The following BIVM variants were observed in gnomAD, a reference collection of about 807,000 sequenced individuals.
BIVM encodes basic immunoglobulin-like variable motif-containing protein.
BIVM carries 31 observed loss-of-function variants against 61.4 expected under a neutral mutation model. The observed-to-expected ratio is 0.51, with a 90% confidence interval of 0.38 to 0.68. BIVM has a LOEUF of 0.68. Ranked by LOEUF, BIVM falls within the 30% of genes least tolerant of loss-of-function variation. The pLI, the probability that BIVM is intolerant of heterozygous loss-of-function variation, is 0.00. For synonymous variants in BIVM, 189 were observed against 210.7 expected (o/e 0.90, Z 0.89); for missense variants, 526 against 596.0 (o/e 0.88, Z 1.22).
At chr13:102,811,975 T>C (rs1879528477) in intron 3 of BIVM, among the ~76,000 whole-genome samples, 1 of 152,206 alleles carries the variant, frequency 6.6e-6, no homozygotes. Context: ...TCCTACCCCT[T>C]TTTCAGTGTC....
chr13:102,805,274 T>C (rs965512237), intron 1 of BIVM, 33 bp from the exon 2 acceptor site: 16 of 152,374 alleles, frequency 1.1e-4, no homozygotes, highest in African/African-American at 3.8e-4. Flanking sequence ...TGCCCTCAGT[T>C]GCTATTTAAG....
At chr13:102,828,454 A>G (rs964118775) in intron 7 of BIVM, among the ~76,000 whole-genome samples, 2 of 152,064 alleles carry the variant, frequency 1.3e-5, no homozygotes, top group African/African-American at 4.8e-5. Context: ...TTCCTGTATA[A>G]CTCACACATC....
At chr13:102,820,148 T>C (rs975675846) in intron 4 of BIVM, among the ~76,000 whole-genome samples, 1 of 152,034 alleles carries the variant, frequency 6.6e-6, no homozygotes, top group African/African-American at 2.4e-5. Context: ...GGTCAAGAGA[T>C]TGAGACCATC....
intron 7 of BIVM, among the ~76,000 whole-genome samples, chr13:102,828,963 G>A (rs565660541): frequency 1.3e-5 from 2 of 151,774 alleles, no homozygotes; most frequent in Admixed American, 1.3e-4. Context: ...CCGGGAGGTG[G>A]AGGTTGCAGT....
chr13:102,810,611 A>G (rs1312097228), intron 3 of BIVM, among the ~76,000 whole-genome samples: 1 of 152,256 alleles, frequency 6.6e-6, no homozygotes, highest in African/African-American at 2.4e-5. Flanking sequence ...TCAAATTACA[A>G]ATTTATATAT....
In BIVM at chr13:102,807,181, GC is replaced by G; in HGVS notation, c.-86del. 7.2e-7 allele frequency: 1 copy of G among 1,387,224 alleles called. No homozygotes were observed. The highest frequency in any genetic ancestry group is 9.7e-7 in the Non-Finnish European group (1 of 1,030,284). The allele number at this position is 1,387,224 out of a possible 1,614,324, so 85.9% of individuals were successfully genotyped here. On this transcript the variant is annotated 5_prime_UTR_variant, in exon 3 of 11. The change abolishes the stop of an existing upstream ORF in the 5' untranslated region. Transcript: ENST00000257336. The surrounding 1 kb of genome is among the most constrained non-coding windows in gnomAD (Gnocchi z 4.0). ...TGCAGCTCTCAAGCTTTTATAGCAT[GC>G]TGTAAACAATTGTCAAAGTTGTTTA... is the stretch of plus-strand genomic sequence containing the variant.
Position 102,806,274 on chromosome 13 carries a change from C to T in BIVM, c.-122-872C>T, listed in dbSNP as rs1879074341. 2.0e-5 allele frequency among the ~76,000 whole-genome samples: 3 copies of T among 152,064 alleles called. No homozygotes were observed. The South Asian group carries it at 6.2e-4, about 31-fold the overall frequency. On this transcript the variant is annotated intron_variant, in intron 2 of 10. Transcript: ENST00000257336. ...TGGCCATTTATTTTTATTTTTGATACAGTCTCGCTCTGTTGCCCAGGCTAG... is the reference window on the plus strand; with the variant it reads ...TGGCCATTTATTTTTATTTTTGATATAGTCTCGCTCTGTTGCCCAGGCTAG...
Position 102,807,740 on chromosome 13 carries a change from A to C in BIVM, c.473A>C (p.Lys158Thr). ...GGGGTGACCACAAATTCGAAACACA[A>C]ATCAGGTAAGGAGGGAGCCATGAAG... is the stretch of plus-strand genomic sequence containing the variant. ...FDGVTTNSKHKSGNAKKQVSK... is the reference protein window; with the variant it reads ...FDGVTTNSKHTSGNAKKQVSK... Residue 158 changes from lysine to threonine, a missense_variant, in exon 3 of 11, where the codon AAA becomes ACA. By Grantham distance (78) the Lys-to-Thr change is moderately conservative (BLOSUM62 -1). Transcript: ENST00000257336. This position sits in a 1 kb window ranked among gnomAD's most constrained non-coding sequence, Gnocchi z 4.0. 6.2e-7 allele frequency: 1 copy of C among 1,608,330 alleles called. No homozygotes were observed. The highest frequency in any genetic ancestry group is 8.5e-7 in the Non-Finnish European group (1 of 1,177,072).
At position 102,831,707 on chromosome 13, in the gene BIVM, G is replaced by A. The variant is rs1314906880; in HGVS notation, c.1034+10G>A. 6.2e-7 allele frequency: 1 copy of A among 1,613,888 alleles called. No individual in the cohort carries two copies. The highest frequency in any genetic ancestry group is 8.5e-7 in the Non-Finnish European group (1 of 1,179,948). On this transcript the variant is annotated intron_variant, in intron 8 of 10. Transcript: ENST00000257336. ...CTAATAAAGCATTCAGGTAAGCATT[G>A]ACGTGTTTTAGAAAGTGCATTTTAA...
intron 3 of BIVM, among the ~76,000 whole-genome samples, chr13:102,809,989 G>A (rs1879384102): frequency 6.6e-6 from 1 of 152,000 alleles, no homozygotes. Flanking sequence ...GTTTCACCGT[G>A]GTCTCGACCT....
chr13:102,823,396 G>A (rs1261110821), intron 7 of BIVM, among the ~76,000 whole-genome samples: 1 of 152,226 alleles, frequency 6.6e-6, no homozygotes, highest in Non-Finnish European at 1.5e-5. Flanking sequence ...GAGCCTTGAT[G>A]TAGACCTTTT....
chr13:102,836,314 C>A (rs7335175), intron 9 of BIVM, among the ~76,000 whole-genome samples: 148,724 of 152,240 alleles, frequency 0.98, 72,733 homozygotes, highest in East Asian at 1. Flanking sequence ...TTTCTGATCC[C>A]TTTCTATTAT....
At chr13:102,812,116 C>T (rs1879539922) in intron 3 of BIVM, among the ~76,000 whole-genome samples, 1 of 151,980 alleles carries the variant, frequency 6.6e-6, no homozygotes, top group Non-Finnish European at 1.5e-5. Flanking sequence ...TCAGTTTTCC[C>T]ATCTTCAAGG....
chr13:102,810,548 C>CACTCTGTTCCTATACT (rs1159496763), intron 3 of BIVM, among the ~76,000 whole-genome samples: 1 of 152,188 alleles, frequency 6.6e-6, no homozygotes, highest in African/African-American at 2.4e-5. Flanking sequence ...TATATGTAAA[C>CACTCTGTTCCTATACT]ACTCTGTTCC....
intron 8 of BIVM, 57 bp downstream of exon 8, chr13:102,831,754 G>A: frequency 1.9e-6 from 3 of 1,591,584 alleles, no homozygotes; most frequent in Non-Finnish European, 2.6e-6. Context: ...AAATAGATGG[G>A]TGCGGTAGCT....
Position 102,821,761 on chromosome 13 carries a change from A to G in BIVM, c.720A>G (p.Gln240=). ...TTTGTAGCCTTCCACCTATTACCCA[A>G]GAAGAAGCTTTACATATTCTGGGCT... The part of the protein sequence containing the change: ...MGAGNLPPIT[Q]EEALHILGFQ... The change falls in exon 6 of 11, where the codon CAA becomes CAG. Residue 240 remains glutamine (Q), a synonymous_variant. Transcript: ENST00000257336. The G allele has an allele frequency of 1.9e-6, 3 of 1,613,560 alleles. No individual in the cohort carries two copies. The highest frequency in any genetic ancestry group is 2.5e-6 in the Non-Finnish European group (3 of 1,179,892).
Position 102,830,358 on chromosome 13 carries a change from T to G in BIVM, c.902-1207T>G, listed in dbSNP as rs986314760. On this transcript the variant is annotated intron_variant, in intron 7 of 10. Transcript: ENST00000257336. ...CACTGAAACTATGACTTGCAAGCTTTCATCTGCTTCATCTATTTTTAGGAT... is the reference window on the plus strand; with the variant it reads ...CACTGAAACTATGACTTGCAAGCTTGCATCTGCTTCATCTATTTTTAGGAT... Among the ~76,000 whole-genome samples, 8 of 152,212 alleles carry G rather than the reference T, an allele frequency of 5.3e-5. 1 individual carries two copies. The highest frequency in any genetic ancestry group is 1.3e-4 in the Admixed American group (2 of 15,280).
intron 6 of BIVM, 36 bp downstream of exon 6, chr13:102,821,883 T>C: frequency 6.3e-7 from 1 of 1,598,380 alleles, no homozygotes; most frequent in Non-Finnish European, 8.5e-7. Context: ...ATCGTGTTTC[T>C]AGTTTTGCAA....
intron 7 of BIVM, among the ~76,000 whole-genome samples, chr13:102,822,453 T>C (rs1880358957): frequency 6.6e-6 from 1 of 152,192 alleles, no homozygotes; most frequent in African/African-American, 2.4e-5. Flanking sequence ...TGTGTGTGTT[T>C]GTGTGTGTAT....
Sources: allele counts gnomAD v4.1 joint callset (sites outside exome capture counted in the v4.1 genomes callset), GRCh38; gene constraint gnomAD v4.1.1; non-coding constraint Gnocchi (gnomAD v3.1); transcripts MANE v1.5; gene names NCBI Gene and HGNC (gene_info 2026-07-23, HGNC 2026-07-21).